The following KIF15 variants were observed in gnomAD, a reference collection of about 807,000 sequenced individuals.
KIF15 encodes the protein kinesin-like protein KIF15.
A neutral mutation model predicts 190.6 loss-of-function variants in KIF15; 140 were observed. The observed-to-expected ratio is 0.73, with a 90% confidence interval of 0.64 to 0.84. The LOEUF is 0.84. Ranked by LOEUF, KIF15 falls within the 40% of genes least tolerant of loss-of-function variation. The pLI is 0.00. For missense variants in KIF15, 1,372 were observed against 1,584.4 expected, an observed-to-expected ratio of 0.87 and a Z score of 2.28; for synonymous variants, 528 against 551.3, an observed-to-expected ratio of 0.96 and a Z score of 0.59.
intron 20 of KIF15, among the ~76,000 whole-genome samples, chr3:44,819,721 G>A (rs1708180549): frequency 6.6e-6 from 1 of 152,196 alleles, no homozygotes; most frequent in Non-Finnish European, 1.5e-5. Flanking sequence ...TGTATATTCT[G>A]TTGATTTGGG....
In KIF15 at chr3:44,851,790, A is replaced by G. The variant is rs780728414; in HGVS notation, c.3810A>G (p.Leu1270=). 1.7e-5 allele frequency: 28 copies of G among 1,611,494 alleles called. No homozygotes were observed. The highest frequency in any genetic ancestry group is 2.4e-5 in the Non-Finnish European group (28 of 1,178,650). Residue 1270 remains leucine (L), a synonymous_variant, in exon 33 of 35, where the codon CTA becomes CTG. Coordinates refer to ENST00000326047, the MANE Select transcript of KIF15 (RefSeq NM_020242.3). ...AAGTGATAACCTATTCCTACAGCCT[A>G]GAAGAAGTCCAAAGTGCCCTTTACA... ...VEEMLKMKAD[L]EEVQSALYNK...
chr3:44,781,485 T>C (rs1403824933), intron 5 of KIF15, among the ~76,000 whole-genome samples: 1 of 152,220 alleles, frequency 6.6e-6, no homozygotes, highest in African/African-American at 2.4e-5. Context: ...GACATTTGGA[T>C]TATTTCAACT....
intron 7 of KIF15, among the ~76,000 whole-genome samples, chr3:44,789,672 A>AT (rs1706585517): frequency 1.1e-5 from 1 of 93,686 alleles, no homozygotes; most frequent in African/African-American, 3.7e-5. Flanking sequence ...ATATATATAT[A>AT]TATATATATA....
At chr3:44,826,274 C>T (rs1420246448) in intron 21 of KIF15, 85 bp downstream of exon 21, 47 of 1,551,756 alleles carry the variant, frequency 3.0e-5, no homozygotes, top group Non-Finnish European at 3.8e-5. Flanking sequence ...TCCTTCTTTG[C>T]TATACTTGCC....
chr3:44,836,641 A>C (rs1443873148), intron 26 of KIF15, among the ~76,000 whole-genome samples: 1 of 152,210 alleles, frequency 6.6e-6, no homozygotes, highest in African/African-American at 2.4e-5. Flanking sequence ...ATATAGTGGC[A>C]CAAAACTTCT....
chr3:44,797,418 G>C, intron 8 of KIF15, 133 bp from the exon 9 acceptor site: 1 of 813,482 alleles, frequency 1.2e-6, no homozygotes, highest in Non-Finnish European at 2.0e-6. Context: ...TTGTTGAATA[G>C]TTGTTCTTTA....
intron 6 of KIF15, among the ~76,000 whole-genome samples, chr3:44,867,286 C>T (rs924419365): frequency 3.9e-5 from 6 of 152,176 alleles, no homozygotes; most frequent in African/African-American, 1.4e-4. Flanking sequence ...ACTCAGCATG[C>T]CCAAACCTCA....
rs1425644819 is a variant in KIF15, at chr3:44,801,794, A to G, written c.1329A>G (p.Glu443=). 6.3e-7 allele frequency: 1 copy of G among 1,594,596 alleles called. No individual in the cohort carries two copies. The highest frequency in any genetic ancestry group is 1.3e-5 in the African/African-American group (1 of 74,488). ...KSLIEKVTQL[E]DLTLKKEKFI... is the part of the protein sequence containing the mutation. ...TGATAGAAAAAGTTACCCAATTAGA[A>G]GACCTCACCCTCAAAAAGGAAAAAT... The change falls in exon 13 of 35, where the codon GAA becomes GAG. Residue 443 remains glutamate (E), a synonymous_variant. Transcript: ENST00000326047.
intron 1 of KIF15, among the ~76,000 whole-genome samples, chr3:44,763,097 C>T (rs959736771): frequency 2.6e-5 from 4 of 152,158 alleles, no homozygotes; most frequent in Non-Finnish European, 5.9e-5. Flanking sequence ...GGAGCACTCT[C>T]CTTTATGATG....
intron 6 of KIF15, among the ~76,000 whole-genome samples, chr3:44,861,319 A>G (rs531795352): frequency 6.6e-6 from 1 of 152,398 alleles, no homozygotes; most frequent in South Asian, 2.1e-4. Flanking sequence ...CGTAAGTATA[A>G]CAGGAGATTA....
intron 29 of KIF15, among the ~76,000 whole-genome samples, chr3:44,842,479 G>A (rs10514710): frequency 0.14 from 22,057 of 152,150 alleles, 2,042 homozygotes; most frequent in Middle Eastern, 0.27. Flanking sequence ...TTAACCAAGG[G>A]ATGTATATAA....
At chr3:44,865,196 C>T (rs113767007) in intron 6 of KIF15, 49 of 1,613,978 alleles carry the variant, frequency 3.0e-5, no homozygotes, top group African/African-American at 6.7e-5. Context: ...CTTGGCTAGA[C>T]GGACCAGCTG....
At chr3:44,835,665 A>G (rs1698274404) in intron 26 of KIF15, among the ~76,000 whole-genome samples, 1 of 152,250 alleles carries the variant, frequency 6.6e-6, no homozygotes. Flanking sequence ...TGGTAACCAT[A>G]TCCAGTGTTG....
Position 44,794,347 on chromosome 3 carries a change from G to C in KIF15, c.770G>C (p.Arg257Pro), listed in dbSNP as rs375991968. 6.2e-7 allele frequency: 1 copy of C among 1,613,700 alleles called. No homozygotes were observed. The highest frequency in any genetic ancestry group is 8.5e-7 in the Non-Finnish European group (1 of 1,179,856). ...MEKSNEIVNI[R>P]TSLLNLVDLA... ...AAAAGTAATGAGATTGTGAATATACGGACCTCCCTACTCAACCTGGTGGAT... is the reference window on the plus strand; with the variant it reads ...AAAAGTAATGAGATTGTGAATATACCGACCTCCCTACTCAACCTGGTGGAT... Residue 257 changes from arginine to proline, a missense_variant, in exon 8 of 35, where the codon CGG becomes CCG. Physicochemically the swap from Arg to Pro is moderately radical, Grantham distance 103. Coordinates refer to ENST00000326047, the MANE Select transcript of KIF15 (RefSeq NM_020242.3).
chr3:44,795,005 AC>A (rs1369668381), intron 8 of KIF15, among the ~76,000 whole-genome samples: 1 of 152,084 alleles, frequency 6.6e-6, no homozygotes, highest in Non-Finnish European at 1.5e-5. Flanking sequence ...ATATGACCAT[AC>A]CAAGCTAAGT....
intron 20 of KIF15, among the ~76,000 whole-genome samples, chr3:44,822,809 C>T (rs375950137): frequency 6.6e-6 from 1 of 152,112 alleles, no homozygotes; most frequent in Admixed American, 6.5e-5. Context: ...CTGTTGAAGC[C>T]TTGTGCAGGT....
intron 4 of KIF15, among the ~76,000 whole-genome samples, chr3:44,778,777 A>G (rs757506728): frequency 1.3e-4 from 20 of 151,984 alleles, no homozygotes; most frequent in Non-Finnish European, 2.6e-4. Flanking sequence ...TCAGGAGTTC[A>G]AGACCAGTCA....
chr3:44,824,605 T>G (rs185381056), intron 20 of KIF15, among the ~76,000 whole-genome samples: 14 of 152,310 alleles, frequency 9.2e-5, no homozygotes, highest in African/African-American at 3.4e-4. Flanking sequence ...CTCAAACTAT[T>G]TTGTGTAATT....
rs34818868 is a variant in KIF15 at position 44,821,232 on chromosome 3, C to T, written c.2550-4807C>T. Among the ~76,000 whole-genome samples, 790 of 147,538 alleles carry T rather than the reference C, an allele frequency of 5.4e-3. 8 individuals carry two copies. The highest frequency in any genetic ancestry group is 0.018 in the African/African-American group (695 of 39,550). ...GCAGAGGCGCCCCTCACCTCCCGGA[C>T]GGGGCGGCTGGCCGGGCGGAGGGCT... is the stretch of plus-strand genomic sequence containing the variant. On this transcript the variant is annotated intron_variant, in intron 20 of 34. Transcript: ENST00000326047.
Sources: allele counts gnomAD v4.1 joint callset (sites outside exome capture counted in the v4.1 genomes callset), GRCh38; gene constraint gnomAD v4.1.1; transcripts MANE v1.5; gene names NCBI Gene and HGNC (gene_info 2026-07-23, HGNC 2026-07-21).